PTPRD: variants seen among roughly 807,000 people sequenced by gnomAD.
PTPRD encodes protein tyrosine phosphatase receptor type D.
Under a neutral mutation model 214.5 loss-of-function variants are expected in PTPRD, and 34 were observed. The ratio of observed to expected loss-of-function variants is 0.16; its 90% CI spans 0.12 to 0.21. The LOEUF (loss-of-function observed/expected upper bound fraction) is 0.21. Among genes scored for constraint, PTPRD ranks in the 10% least tolerant of loss-of-function variants. The pLI, the probability that PTPRD is intolerant of heterozygous loss-of-function variation, is 1.00. For synonymous variants in PTPRD, 1,128 were observed against 845.7 expected (o/e 1.33, Z -5.79); for missense variants, 2,545 against 2,398.7 (o/e 1.06, Z -1.27).
chr9:10,213,551 G>C (rs2099526674), intron 3 of PTPRD, among the ~76,000 whole-genome samples: 1 of 152,126 alleles, frequency 6.6e-6, no homozygotes, highest in Non-Finnish European at 1.5e-5. Flanking sequence ...AAGAGAGCAA[G>C]ATATAGTATT....
rs181136186 is a variant in PTPRD, at chr9:10,527,891, G to C, written c.-600+84507C>G. 1.2e-3 allele frequency among the ~76,000 whole-genome samples: 187 copies of C among 152,134 alleles called. 2 individuals carry two copies. Among genetic ancestry groups the C allele is most frequent in the Non-Finnish European group, 1.7e-3 (118 of 67,978 alleles). On this transcript the variant is annotated intron_variant, in intron 2 of 45. Transcript: ENST00000381196. ...GGCATTATGAGAAAGATAATTATGT[G>C]GCTTTCAAGTGAATTACCCTTGATT...
chr9:8,684,501 C>T (rs2097635500), intron 12 of PTPRD, among the ~76,000 whole-genome samples: 2 of 152,046 alleles, frequency 1.3e-5, no homozygotes, highest in Non-Finnish European at 2.9e-5. Context: ...CAAGTTCACA[C>T]TGCAGAGGAA....
At chr9:8,429,390 C>T (rs1445591580) in intron 35 of PTPRD, among the ~76,000 whole-genome samples, 2 of 152,078 alleles carry the variant, frequency 1.3e-5, no homozygotes, top group African/African-American at 2.4e-5. Flanking sequence ...CACATGATCT[C>T]TGTGGTTTAG....
intron 8 of PTPRD, among the ~76,000 whole-genome samples, chr9:9,557,945 C>T (rs1204024811): frequency 6.6e-6 from 1 of 152,214 alleles, no homozygotes; most frequent in African/African-American, 2.4e-5. Flanking sequence ...TAGCAGCTTA[C>T]TTTCACACTG....
intron 14 of PTPRD, among the ~76,000 whole-genome samples, chr9:8,601,366 T>C (rs1459131585): frequency 6.6e-6 from 1 of 152,184 alleles, no homozygotes; most frequent in Non-Finnish European, 1.5e-5. Flanking sequence ...CTGCAGACTG[T>C]AGAGCCCTAT....
chr9:9,413,602 G>T (rs2076172365), intron 8 of PTPRD, among the ~76,000 whole-genome samples: 1 of 152,098 alleles, frequency 6.6e-6, no homozygotes, highest in African/African-American at 2.4e-5. Flanking sequence ...TAAACTCTCT[G>T]TTTTGAAAAA....
In PTPRD at chr9:10,012,149, T is replaced by A. The variant is rs111365006; in HGVS notation, c.-472+21569A>T. ...TTTAATTATTGAAAGTTGTTTAACA[T>A]TGTAAGACGTATACAAATGGAACTT... On this transcript the variant is annotated intron_variant, in intron 4 of 45. Coordinates refer to ENST00000381196, the MANE Select transcript of PTPRD (RefSeq NM_002839.4). Among the ~76,000 whole-genome samples, 935 of 152,064 alleles carry A rather than the reference T, an allele frequency of 6.1e-3. 7 individuals are homozygous for A. Among genetic ancestry groups the A allele is most frequent in the African/African-American group, 0.021 (869 of 41,534 alleles).
intron 8 of PTPRD, 112 bp downstream of exon 8, chr9:9,574,620 G>A (rs891178093): frequency 2.0e-5 from 3 of 151,476 alleles, no homozygotes; most frequent in African/African-American, 7.3e-5. Flanking sequence ...AACATTTATG[G>A]TTAAATATCA....
chr9:10,544,375 T>A (rs2059768479), intron 2 of PTPRD, among the ~76,000 whole-genome samples: 1 of 152,162 alleles, frequency 6.6e-6, no homozygotes, highest in Non-Finnish European at 1.5e-5. Flanking sequence ...ATACAACAGC[T>A]TATCGGCATA....
rs551879581 is a variant in PTPRD at position 10,524,749 on chromosome 9, C to T, written c.-600+87649G>A. ...TAATCTCACTTTGAGAAGAGAAAAT[C>T]GAGTTCATGGACAACTACTAAAAAC... On this transcript the variant is annotated intron_variant, in intron 2 of 45. Transcript: ENST00000381196. 3.4e-4 allele frequency among the ~76,000 whole-genome samples: 51 copies of T among 152,100 alleles called. No homozygotes were observed. The South Asian group carries it at 8.5e-3, about 25-fold the overall frequency.
chr9:8,751,620 T>C (rs930868761), intron 11 of PTPRD, among the ~76,000 whole-genome samples: 6 of 152,168 alleles, frequency 3.9e-5, no homozygotes, highest in Admixed American at 6.5e-5. Flanking sequence ...TGTGAGTCAA[T>C]TGCTGGCTAT....
At chr9:10,060,750 A>C (rs935258063) in intron 3 of PTPRD, among the ~76,000 whole-genome samples, 3 of 151,616 alleles carry the variant, frequency 2.0e-5, no homozygotes, top group Admixed American at 6.6e-5. Context: ...TTTTCCCACC[A>C]TCAGCATACC....
chr9:9,847,495 G>T (rs1409456375), intron 5 of PTPRD, among the ~76,000 whole-genome samples: 1 of 151,974 alleles, frequency 6.6e-6, no homozygotes, highest in Non-Finnish European at 1.5e-5. Flanking sequence ...ACTAACTTTT[G>T]AAAATAACGT....
At chr9:10,012,394 G>A (rs928739866) in intron 4 of PTPRD, among the ~76,000 whole-genome samples, 2 of 151,848 alleles carry the variant, frequency 1.3e-5, no homozygotes, top group Non-Finnish European at 2.9e-5. Context: ...CTGTTCCTTT[G>A]AGTACTATCA....
At chr9:8,911,579 C>T (rs2098748946) in intron 11 of PTPRD, among the ~76,000 whole-genome samples, 1 of 151,956 alleles carries the variant, frequency 6.6e-6, no homozygotes, top group Non-Finnish European at 1.5e-5. Flanking sequence ...GAAGGAAACA[C>T]AAGAGAAAAT....
intron 5 of PTPRD, among the ~76,000 whole-genome samples, chr9:9,816,503 T>G (rs1329912071): frequency 6.6e-6 from 1 of 152,032 alleles, no homozygotes; most frequent in South Asian, 2.1e-4. Context: ...AATAATATAT[T>G]TGAATATTTG....
intron 11 of PTPRD, among the ~76,000 whole-genome samples, chr9:9,002,373 A>G (rs2154355966): frequency 6.6e-6 from 1 of 152,204 alleles, no homozygotes; most frequent in Admixed American, 6.6e-5. Flanking sequence ...TCAAGTCATT[A>G]GGCAGCCCAT....
At chr9:10,168,245 C>T (rs1387563916) in intron 3 of PTPRD, among the ~76,000 whole-genome samples, 2 of 151,984 alleles carry the variant, frequency 1.3e-5, no homozygotes, top group Non-Finnish European at 2.9e-5. Context: ...TAATTTTATT[C>T]AATTATTTCA....
intron 3 of PTPRD, among the ~76,000 whole-genome samples, chr9:10,168,815 A>T (rs2099177572): frequency 6.6e-6 from 1 of 152,212 alleles, no homozygotes; most frequent in African/African-American, 2.4e-5. Flanking sequence ...AGTATATATT[A>T]CATAATGAAA....
Sources: gnomAD v4.1 joint callset for allele counts (sites outside exome capture counted in the v4.1 genomes callset) on GRCh38, gnomAD v4.1.1 for gene constraint, MANE v1.5 for transcripts, NCBI Gene and HGNC (gene_info 2026-07-23, HGNC 2026-07-21) for gene names.